The following PPT1 variants were observed in gnomAD, a reference collection of about 807,000 sequenced individuals.
PPT1 encodes palmitoyl-protein thioesterase 1.
A neutral mutation model predicts 44.0 loss-of-function variants in PPT1; 24 were observed. The observed-to-expected ratio is 0.54, with a 90% CI of 0.39 to 0.77. The LOEUF is 0.77. Ranked by LOEUF, PPT1 falls within the 30% of genes least tolerant of loss-of-function variation. The probability of loss-of-function intolerance (pLI) is 0.00; values close to 1 mark genes in which losing one functional copy is unlikely to be tolerated. For missense variants in PPT1, 341 were observed against 378.8 expected, an observed-to-expected ratio of 0.90 and a Z score of 0.83; for synonymous variants, 148 against 140.2, an observed-to-expected ratio of 1.06 and a Z score of -0.39.
chr1:40,075,477 C>CTTTTTTTTTT (rs5773686), intron 8 of PPT1, among the ~76,000 whole-genome samples: 1 of 144,702 alleles, frequency 6.9e-6, no homozygotes. Flanking sequence ...TTTCTCAAGC[C>CTTTTTTTTTT]TTTTTTTTTT....
intron 1 of PPT1, among the ~76,000 whole-genome samples, chr1:40,093,137 G>A (rs1001099496): frequency 6.6e-6 from 1 of 152,138 alleles, no homozygotes; most frequent in Non-Finnish European, 1.5e-5. Flanking sequence ...GTCCATCAAT[G>A]AATGAATGAA....
Position 40,092,906 on chromosome 1 carries a change from A to AC in PPT1, c.125-400dup, listed in dbSNP as rs527706277. Among the ~76,000 whole-genome samples the AC allele has an allele frequency of 5.3e-4, 80 of 152,280 alleles. No homozygotes were observed. The South Asian group carries it at 8.3e-3, about 16-fold the overall frequency. On this transcript the variant is annotated intron_variant, in intron 1 of 8. Transcript: ENST00000642050. The stretch of plus-strand genomic sequence containing the variant: ...ATTGTCAACGATGTAGAAAAATGGG[A>AC]CCCCTTGGACATTGCTGGTGGGAAT...
At chr1:40,080,366 A>C in intron 6 of PPT1, 31 bp downstream of exon 6, 1 of 1,592,562 alleles carries the variant, frequency 6.3e-7, no homozygotes, top group Middle Eastern at 1.7e-4. Context: ...AAAAGAACGC[A>C]CATCTATGGG....
At chr1:40,086,218 T>C (rs1403316028) in intron 5 of PPT1, among the ~76,000 whole-genome samples, 1 of 151,684 alleles carries the variant, frequency 6.6e-6, no homozygotes, top group East Asian at 1.9e-4. Context: ...GCAGGGAGTG[T>C]AGAGGTAGGA....
intron 4 of PPT1, among the ~76,000 whole-genome samples, chr1:40,089,786 G>A (rs999971497): frequency 2.6e-5 from 4 of 152,024 alleles, no homozygotes; most frequent in Admixed American, 6.6e-5. Context: ...TCAGGTCTTG[G>A]TCCTACACAA....
At position 40,073,905 on chromosome 1, in the gene PPT1, T is replaced by G. The variant is rs1648417290; in HGVS notation, c.*156A>C. The G allele has an allele frequency of 9.9e-7, 1 of 1,010,090 alleles. No homozygotes were observed. Among genetic ancestry groups the G allele is most frequent in the Admixed American group, 1.9e-5 (1 of 52,326 alleles). 62.6% of individuals were successfully genotyped at this position (1,010,090 alleles called of 1,614,324 possible). A position where few individuals can be genotyped will look rare whatever the true frequency, so the allele number is the denominator to read the frequency against. On this transcript the variant is annotated 3_prime_UTR_variant, in exon 9 of 9. Transcript: ENST00000642050. The stretch of plus-strand genomic sequence containing the variant: ...AACAGAAGATGGCAAAGGATAAGAT[T>G]CAGATCTTAGATCTTTCCAAGTAGG...
chr1:40,078,591 T>G lies in PPT1; in HGVS notation c.695A>C (p.Asn232Thr). The G allele has an allele frequency of 6.2e-7, 1 of 1,613,952 alleles. No homozygotes were observed. The highest frequency in any genetic ancestry group is 8.5e-7 in the Non-Finnish European group (1 of 1,179,868). Residue 232 changes from asparagine (N) to threonine (T), a missense_variant, in exon 7 of 9, where the codon AAT (asparagine) becomes ACT (threonine). Transcript: ENST00000642050. The part of the protein sequence containing the change: ...LKKFVMVKFL[N>T]DSIVDPVDSE... ...ATCTACAGGGTCCACAATGGAATCA[T>G]TGAGGAATTTCACCATCACAAACTT...
At chr1:40,091,964 T>C in intron 3 of PPT1, 81 bp downstream of exon 3, 1 of 1,542,138 alleles carries the variant, frequency 6.5e-7, no homozygotes, top group Non-Finnish European at 8.9e-7. Flanking sequence ...CAATCTTGAA[T>C]TGGAGGAGTG....
At chr1:40,071,945 G>A (rs1296485892), downstream of PPT1, 2 of 409,192 alleles carry the variant, frequency 4.9e-6, no homozygotes, top group East Asian at 7.0e-5. Context: ...GAAGGTAGCA[G>A]AAGCTGGTGT....
chr1:40,091,492 A>G, intron 3 of PPT1, 93 bp from the exon 4 acceptor site: 2 of 1,131,824 alleles, frequency 1.8e-6, no homozygotes, highest in Non-Finnish European at 2.6e-6. Context: ...ATCCTCTGTG[A>G]CTCCCCAAAC....
intron 5 of PPT1, among the ~76,000 whole-genome samples, chr1:40,085,420 C>T (rs1421136398): frequency 1.3e-5 from 2 of 152,130 alleles, no homozygotes; most frequent in African/African-American, 4.8e-5. Flanking sequence ...GCCTGGCATT[C>T]GGGGCCGCTA....
chr1:40,074,656 A>C (rs1648518060), intron 8 of PPT1, among the ~76,000 whole-genome samples: 1 of 151,836 alleles, frequency 6.6e-6, no homozygotes, highest in African/African-American at 2.4e-5. Flanking sequence ...TTTAGTAGAG[A>C]TGGGGTTTCA....
intron 5 of PPT1, among the ~76,000 whole-genome samples, chr1:40,081,409 G>A (rs192414412): frequency 1.3e-5 from 2 of 152,114 alleles, no homozygotes; most frequent in Non-Finnish European, 2.9e-5. Flanking sequence ...GGTGGCATGT[G>A]CCTGTAATCC....
At chr1:40,081,806 C>A (rs1340387496) in intron 5 of PPT1, among the ~76,000 whole-genome samples, 1 of 152,068 alleles carries the variant, frequency 6.6e-6, no homozygotes, top group East Asian at 1.9e-4. Context: ...AAAAGTTACC[C>A]AAAATGTGGA....
intron 1 of PPT1, among the ~76,000 whole-genome samples, chr1:40,094,560 CCT>C: frequency 6.6e-6 from 1 of 152,188 alleles, no homozygotes. Context: ...AGAGTGAGTG[CCT>C]CCTTAAATTT....
chr1:40,081,991 A>G (rs1394952189), intron 5 of PPT1, among the ~76,000 whole-genome samples: 1 of 152,162 alleles, frequency 6.6e-6, no homozygotes, highest in East Asian at 1.9e-4. Flanking sequence ...TCAGATGGAG[A>G]TGAGGAACTT....
rs760997725 is a variant in PPT1 at position 40,080,494 on chromosome 1, G to GA, written c.537-8dup. 185 of 1,600,156 alleles carry GA rather than the reference G, an allele frequency of 1.2e-4. No individual in the cohort carries two copies. The highest frequency in any genetic ancestry group is 1.8e-4 in the African/African-American group (13 of 74,040). On this transcript the variant is annotated splice_polypyrimidine_tract_variant and splice_region_variant and intron_variant, in intron 5 of 8. Transcript: ENST00000642050. ...GTATTCGGCTTGCACGAGGCTGTAG[G>GA]AAAAAAAAAGAATGAGGTGATCAAG...
At chr1:40,095,115 C>A (rs773924912) in intron 1 of PPT1, among the ~76,000 whole-genome samples, 5 of 152,224 alleles carry the variant, frequency 3.3e-5, no homozygotes, top group Non-Finnish European at 7.3e-5. Flanking sequence ...CAGCCTTTAT[C>A]TTCCTTGACC....
chr1:40,085,157 TG>T (rs1360998722), intron 5 of PPT1, among the ~76,000 whole-genome samples: 1 of 152,228 alleles, frequency 6.6e-6, no homozygotes, highest in Non-Finnish European at 1.5e-5. Context: ...CCTGCTTTCA[TG>T]TTCCATCCTG....
Sources: gnomAD v4.1 joint callset for allele counts (sites outside exome capture counted in the v4.1 genomes callset) on GRCh38, gnomAD v4.1.1 for gene constraint, MANE v1.5 for transcripts, NCBI Gene and HGNC (gene_info 2026-07-23, HGNC 2026-07-21) for gene names.